PAN3: variants seen among roughly 807,000 people sequenced by gnomAD.
PAN3 encodes the protein poly(A) specific ribonuclease subunit PAN3.
A neutral mutation model predicts 96.2 loss-of-function variants in PAN3; 19 were observed. The ratio of observed to expected loss-of-function variants is 0.20; its 90% confidence interval spans 0.14 to 0.29. PAN3 has a LOEUF of 0.29. PAN3 is among the 10% of genes least tolerant of loss of function. The pLI is 1.00. For synonymous variants in PAN3, 433 were observed against 406.6 expected, an observed-to-expected ratio of 1.06 and a Z score of -0.78; for missense variants, 882 against 1,108.1, an observed-to-expected ratio of 0.80 and a Z score of 2.90.
Position 28,252,844 on chromosome 13 carries a change from C to G in PAN3, c.1001-3448C>G, listed in dbSNP as rs148309132. Among the ~76,000 whole-genome samples, 569 of 152,106 alleles carry G rather than the reference C, an allele frequency of 3.7e-3. 6 individuals are homozygous for G. The highest frequency in any genetic ancestry group is 0.013 in the African/African-American group (549 of 41,526). On this transcript the variant is annotated intron_variant, in intron 6 of 18. Transcript: ENST00000380958. The stretch of plus-strand genomic sequence containing the variant: ...ATTTAAAATACAAATTTTCATCCTT[C>G]TAGATTGTTGTTATGCTGATCTTCT...
intron 9 of PAN3, among the ~76,000 whole-genome samples, chr13:28,265,421 A>G (rs1348108905): frequency 2.0e-5 from 3 of 152,180 alleles, no homozygotes; most frequent in African/African-American, 4.8e-5. Flanking sequence ...ATCATTCTAC[A>G]TTTGTTTTTC....
intron 7 of PAN3, among the ~76,000 whole-genome samples, chr13:28,258,448 A>G (rs1036739728): frequency 8.5e-5 from 13 of 152,234 alleles, no homozygotes; most frequent in African/African-American, 2.9e-4. Flanking sequence ...AGTTGAAAGA[A>G]TGAAAGACAA....
At chr13:28,272,190 A>C (rs1176462052) in intron 14 of PAN3, 119 bp downstream of exon 14, 2 of 625,826 alleles carry the variant, frequency 3.2e-6, no homozygotes, top group Non-Finnish European at 5.2e-6. Context: ...GGTGGTGTCT[A>C]TGCAGACTTT....
intron 1 of PAN3, among the ~76,000 whole-genome samples, chr13:28,159,189 A>C (rs183998160): frequency 5.8e-4 from 88 of 152,300 alleles, no homozygotes; most frequent in African/African-American, 2.4e-5. Flanking sequence ...TAGCAAAGAC[A>C]TGGAAGTGAC....
At chr13:28,247,679 G>C (rs1005986292) in intron 6 of PAN3, among the ~76,000 whole-genome samples, 15 of 152,074 alleles carry the variant, frequency 9.9e-5, no homozygotes, top group Non-Finnish European at 2.2e-4. Flanking sequence ...TTATTGAAGA[G>C]GCCATCTTTT....
At chr13:28,288,204 CTTAAGAAAT>C in intron 18 of PAN3, 82 bp downstream of exon 18, 1 of 1,261,468 alleles carries the variant, frequency 7.9e-7, no homozygotes, top group Non-Finnish European at 1.1e-6. Flanking sequence ...TACTAGGAAA[CTTAAGAAAT>C]CAGGATGTAC....
intron 6 of PAN3, among the ~76,000 whole-genome samples, chr13:28,241,255 G>A (rs541841547): frequency 1.3e-5 from 2 of 152,066 alleles, no homozygotes; most frequent in Admixed American, 1.3e-4. Flanking sequence ...AGAGTGAAAC[G>A]CTGTTTCAAA....
At chr13:28,169,819 CG>C (rs1273171961) in intron 1 of PAN3, among the ~76,000 whole-genome samples, 1 of 151,742 alleles carries the variant, frequency 6.6e-6, no homozygotes, top group African/African-American at 2.4e-5. Flanking sequence ...GAGGCTGAGG[CG>C]GGTGGATCAT....
At chr13:28,271,877 C>T (rs1886649643) in intron 13 of PAN3, 104 bp from the exon 14 acceptor site, 3 of 711,890 alleles carry the variant, frequency 4.2e-6, no homozygotes, top group Non-Finnish European at 6.5e-6. Context: ...AAACTCAATT[C>T]TGAGATCCTT....
intron 4 of PAN3, among the ~76,000 whole-genome samples, chr13:28,193,707 C>T (rs1457561119): frequency 7.2e-6 from 1 of 138,126 alleles, no homozygotes; most frequent in East Asian, 2.2e-4. Context: ...TGCACCACTG[C>T]ACTCCAGCCT....
At chr13:28,285,938 A>G (rs1868918611) in intron 17 of PAN3, among the ~76,000 whole-genome samples, 1 of 152,080 alleles carries the variant, frequency 6.6e-6, no homozygotes, top group African/African-American at 2.4e-5. Flanking sequence ...TCCCTGCAGT[A>G]TCTCATAGGA....
At chr13:28,238,505 C>T (rs191913444) in intron 6 of PAN3, among the ~76,000 whole-genome samples, 20 of 152,302 alleles carry the variant, frequency 1.3e-4, no homozygotes, top group Middle Eastern at 3.4e-3. Flanking sequence ...TTTCACAAGT[C>T]TGAGCTCTTA....
At chr13:28,157,040 T>C (rs1872272213) in intron 1 of PAN3, among the ~76,000 whole-genome samples, 1 of 132,186 alleles carries the variant, frequency 7.6e-6, no homozygotes, top group Non-Finnish European at 1.6e-5. Context: ...CATGAACAAG[T>C]AGGCTTTACC....
At chr13:28,234,940 C>A (rs1190851216) in intron 6 of PAN3, among the ~76,000 whole-genome samples, 1 of 152,096 alleles carries the variant, frequency 6.6e-6, no homozygotes, top group African/African-American at 2.4e-5. Flanking sequence ...AATTGGTCTA[C>A]CCTTGCATTT....
chr13:28,249,677 T>G (rs977128665), intron 6 of PAN3, among the ~76,000 whole-genome samples: 4 of 152,186 alleles, frequency 2.6e-5, no homozygotes, highest in Admixed American at 2.0e-4. Context: ...CTCGAACTCC[T>G]GACCTCAAGG....
chr13:28,162,897 T>A (rs1368735676), intron 1 of PAN3, among the ~76,000 whole-genome samples: 2 of 151,470 alleles, frequency 1.3e-5, no homozygotes, highest in Non-Finnish European at 2.9e-5. Flanking sequence ...AAAAATGTGC[T>A]ATTAGATTAA....
chr13:28,269,465 T>TG (rs886961607), intron 12 of PAN3, among the ~76,000 whole-genome samples: 15 of 150,030 alleles, frequency 1.0e-4, no homozygotes, highest in African/African-American at 3.2e-4. Context: ...TTAGCACAAG[T>TG]GAAAAAAAAA....
chr13:28,287,221 T>C (rs1869102395), intron 17 of PAN3, among the ~76,000 whole-genome samples: 2 of 152,232 alleles, frequency 1.3e-5, no homozygotes, highest in Non-Finnish European at 2.9e-5. Context: ...TATACTTATA[T>C]TCACACATAA....
intron 5 of PAN3, chr13:28,214,894 G>T (rs1301236318): frequency 2.1e-6 from 2 of 938,692 alleles, no homozygotes; most frequent in Non-Finnish European, 3.4e-6. Context: ...GAAGCTAGTA[G>T]CTCCAAGAAT....
Sources: allele counts gnomAD v4.1 joint callset (sites outside exome capture counted in the v4.1 genomes callset), GRCh38; gene constraint gnomAD v4.1.1; transcripts MANE v1.5; gene names NCBI Gene and HGNC (gene_info 2026-07-23, HGNC 2026-07-21).